Variants in ABCC2 observed in about 807,000 individuals in gnomAD.
ABCC2 encodes ATP-binding cassette sub-family C member 2.
In ABCC2, 157 loss-of-function variants were observed where a neutral mutation model predicts 173.4. The observed-to-expected ratio is 0.91, with a 90% CI of 0.80 to 1.03. ABCC2 has a LOEUF of 1.03. Ranked by LOEUF, ABCC2 falls within the 50% of genes least tolerant of loss-of-function variation. The probability of loss-of-function intolerance (pLI) is 0.00; values close to 1 mark genes in which losing one functional copy is unlikely to be tolerated. For synonymous variants in ABCC2, 657 were observed against 693.5 expected, an observed-to-expected ratio of 0.95 and a Z score of 0.83; for missense variants, 1,822 against 1,852.3, an observed-to-expected ratio of 0.98 and a Z score of 0.30.
At position 99,842,092 on chromosome 10, in the gene ABCC2, A is replaced by G. The variant is rs770037260; in HGVS notation, c.3740A>G (p.Asn1247Ser). The G allele has an allele frequency of 4.3e-6, 7 of 1,614,140 alleles. No homozygotes were observed. The Admixed American group carries it at 5.0e-5, about 12-fold the overall frequency. ...GGCTTTGTTCTGTCCAATGCACTCA[A>G]TGTGAGTTTGAAGGTTGGGAGTTTG... Reference protein sequence around the residue: ...TVGFVLSNALNITQTLNWLVR... With the variant: ...TVGFVLSNALSITQTLNWLVR... The change falls in exon 26 of 32, where the codon AAT becomes AGT. Residue 1247 changes from asparagine to serine, a missense_variant and splice_region_variant. Transcript: ENST00000647814.
intron 15 of ABCC2, 32 bp downstream of exon 15, chr10:99,811,634 T>C: frequency 6.2e-7 from 1 of 1,612,006 alleles, no homozygotes; most frequent in Admixed American, 1.7e-5. Flanking sequence ...CTAATGTTCT[T>C]TAGCATTCTC....
Position 99,800,583 on chromosome 10 carries a change from T to C in ABCC2, c.1209+20T>C. On this transcript the variant is annotated intron_variant, in intron 9 of 31. Coordinates refer to ENST00000647814, the MANE Select transcript of ABCC2 (RefSeq NM_000392.5). ...AAGAAGGTAAGCAGAATACGGCAGG[T>C]ATCACCAAAGAAAATCCCCTCAGTA... The C allele has an allele frequency of 6.2e-7, 1 of 1,612,792 alleles. No individual in the cohort carries two copies. Among genetic ancestry groups the C allele is most frequent in the Non-Finnish European group, 8.5e-7 (1 of 1,179,588 alleles).
Position 99,830,751 on chromosome 10 carries a change from G to A in ABCC2, c.2783G>A (p.Arg928Lys), listed in dbSNP as rs759376697. 6.2e-7 allele frequency: 1 copy of A among 1,614,102 alleles called. No individual in the cohort carries two copies. Among genetic ancestry groups the A allele is most frequent in the Non-Finnish European group, 8.5e-7 (1 of 1,180,024 alleles). The change falls in exon 21 of 32, where the codon AGA becomes AAA. Residue 928 changes from arginine to lysine, a missense_variant. Physicochemically the swap from Arg to Lys is conservative, Grantham distance 26. Transcript: ENST00000647814. ...AATGGCAGGCATCTGAAGTCCCTGAGAAACTCCTTGAAAACTCGGAATGTG... is the reference window on the plus strand; with the variant it reads ...AATGGCAGGCATCTGAAGTCCCTGAAAAACTCCTTGAAAACTCGGAATGTG... ...RSNGRHLKSL[R>K]NSLKTRNVNS...
chr10:99,807,605 T>G, intron 12 of ABCC2, 84 bp downstream of exon 12: 2 of 1,588,690 alleles, frequency 1.3e-6, no homozygotes, highest in Non-Finnish European at 1.7e-6. Flanking sequence ...TTTGATAGAC[T>G]AGCTGGCATC....
intron 19 of ABCC2, among the ~76,000 whole-genome samples, chr10:99,820,406 AC>A (rs561596007): frequency 0.046 from 7,038 of 152,044 alleles, 191 homozygotes; most frequent in Middle Eastern, 0.17. Flanking sequence ...ACACACACAC[AC>A]ACAAAACACA....
rs189165453 is a variant in ABCC2, at chr10:99,845,699, G to T, written c.4063G>T (p.Gly1355Cys). Reference protein sequence around the residue: ...NCLFRILEAAGGQIIIDGVDI... With the variant: ...NCLFRILEAACGQIIIDGVDI... Reference sequence around the variant, plus strand: ...CCTCTTCAGAATCTTAGAGGCTGCCGGTGGTCAGATTATCATTGATGGAGT... The same window carrying T: ...CCTCTTCAGAATCTTAGAGGCTGCCTGTGGTCAGATTATCATTGATGGAGT... The change falls in exon 29 of 32, where the codon GGT becomes TGT. Residue 1355 changes from glycine (G) to cysteine (C), a missense_variant. Gly to Cys is a radical substitution (Grantham distance 159). Coordinates refer to ENST00000647814, the MANE Select transcript of ABCC2 (RefSeq NM_000392.5). 32 of 1,613,998 alleles carry T rather than the reference G, an allele frequency of 2.0e-5. No individual in the cohort carries two copies. Among genetic ancestry groups the T allele is most frequent in the East Asian group, 4.5e-5 (2 of 44,872 alleles).
intron 13 of ABCC2, 24 bp downstream of exon 13, chr10:99,808,253 A>G: frequency 1.9e-6 from 3 of 1,613,224 alleles, no homozygotes; most frequent in Non-Finnish European, 2.5e-6. Flanking sequence ...CTCACTGCTA[A>G]CTCCCTGTCT....
chr10:99,837,256 C>G (rs2133127108), intron 25 of ABCC2, among the ~76,000 whole-genome samples: 1 of 134,190 alleles, frequency 7.5e-6, no homozygotes, highest in Middle Eastern at 3.5e-3. Flanking sequence ...CTGCCTCAGC[C>G]TCCCAAGTAG....
Position 99,808,300 on chromosome 10 carries a change from T to C in ABCC2, c.1815+71T>C, listed in dbSNP as rs2038148928. 5 of 1,574,124 alleles carry C rather than the reference T, an allele frequency of 3.2e-6. No homozygotes were observed. In the Admixed American group the frequency reaches 6.7e-5, roughly 21 times the overall value. On this transcript the variant is annotated intron_variant, in intron 13 of 31. Transcript: ENST00000647814. ...CCTTGGAGTCCAGAATGACTGGCTA[T>C]CACATCCCATGTCTAACTTTTGCTG...
chr10:99,847,283 AAATAG>A (rs1262168198), intron 30 of ABCC2, among the ~76,000 whole-genome samples, 156 bp downstream of exon 30: 3 of 152,348 alleles, frequency 2.0e-5, no homozygotes, highest in African/African-American at 7.2e-5. Flanking sequence ...TCACAAGATA[AAATAG>A]ATGTGAAAGT....
Position 99,830,769 on chromosome 10 carries a change from G to A in ABCC2, c.2801G>A (p.Arg934Gln), listed in dbSNP as rs200477714. ...LKSLRNSLKT[R>Q]NVNSLKEDEE... is the part of the protein sequence containing the mutation. ...TCCCTGAGAAACTCCTTGAAAACTC[G>A]GAATGTGAATAGCCTGAAGGAAGAC... Residue 934 changes from arginine (R) to glutamine (Q), a missense_variant, in exon 21 of 32, where the codon CGG (arginine) becomes CAG (glutamine). Transcript: ENST00000647814. The A allele has an allele frequency of 1.5e-4, 244 of 1,614,048 alleles. 2 individuals are homozygous for A. The highest frequency in any genetic ancestry group is 1.3e-3 in the Middle Eastern group (8 of 6,062).
At chr10:99,814,248 CGT>C (rs1564684041) in intron 16 of ABCC2, among the ~76,000 whole-genome samples, 1,172 of 29,968 alleles carry the variant, frequency 0.039, 168 homozygotes, top group African/African-American at 0.1. Flanking sequence ...TATGCACACA[CGT>C]ATGTATACAC....
At chr10:99,846,918 T>C (rs1047590482) in intron 29 of ABCC2, 43 bp from the exon 30 acceptor site, 2 of 1,613,194 alleles carry the variant, frequency 1.2e-6, no homozygotes, top group African/African-American at 2.7e-5. Flanking sequence ...GAGGTCCTTT[T>C]CTGGCATGAG....
rs1227472409 is a variant in ABCC2 at position 99,851,779 on chromosome 10, G to A, written c.*148G>A. 2.7e-5 allele frequency: 21 copies of A among 771,026 alleles called. No homozygotes were observed. The highest frequency in any genetic ancestry group is 3.9e-5 in the Non-Finnish European group (20 of 511,850). The allele number at this position is 771,026 out of a possible 1,614,324, so 47.8% of individuals were successfully genotyped here. A position where few individuals can be genotyped will look rare whatever the true frequency, so the allele number is the denominator to read the frequency against. ...GAACACCCATGAACCTACTACCCAG[G>A]TTAAGAAAATAAATGTCACCAGGTA... On this transcript the variant is annotated 3_prime_UTR_variant, in exon 32 of 32. Coordinates refer to ENST00000647814, the MANE Select transcript of ABCC2 (RefSeq NM_000392.5).
intron 19 of ABCC2, among the ~76,000 whole-genome samples, chr10:99,826,845 T>C (rs1317586337): frequency 1.6e-5 from 2 of 122,218 alleles, no homozygotes; most frequent in Admixed American, 8.2e-5. Context: ...GGGTCCATAC[T>C]GTTTTACTCC....
intron 2 of ABCC2, 103 bp downstream of exon 2, chr10:99,784,884 C>A (rs892355959): frequency 3.5e-6 from 5 of 1,438,816 alleles, no homozygotes; most frequent in Non-Finnish European, 4.8e-6. Context: ...GCAGCTGTCC[C>A]AGGTGCCATT....
chr10:99,806,077 C>CTCTCTCTGTGTGTGTGTGTGTG (rs10644836), intron 11 of ABCC2, among the ~76,000 whole-genome samples: 28 of 148,044 alleles, frequency 1.9e-4, no homozygotes, highest in African/African-American at 6.0e-4. Flanking sequence ...CTCTCTCTGT[C>CTCTCTCTGTGTGTGTGTGTGTG]TGTGTGTGTG....
At chr10:99,837,418 T>TTTCAACCTGACAGAAAA (rs2038844992) in intron 25 of ABCC2, among the ~76,000 whole-genome samples, 1 of 36,980 alleles carries the variant, frequency 2.7e-5, no homozygotes, top group Non-Finnish European at 5.4e-5. Flanking sequence ...ATTACAGTCG[T>TTTCAACCTGACAGAAAA]GAGCCACCAC....
intron 30 of ABCC2, among the ~76,000 whole-genome samples, chr10:99,847,447 C>CA (rs975918136): frequency 2.0e-5 from 3 of 150,716 alleles, no homozygotes; most frequent in Non-Finnish European, 4.4e-5. Context: ...ACTAAAAATA[C>CA]AAAAAGTAGC....
Sources: gnomAD v4.1 joint callset for allele counts (sites outside exome capture counted in the v4.1 genomes callset) on GRCh38, gnomAD v4.1.1 for gene constraint, MANE v1.5 for transcripts, NCBI Gene and HGNC (gene_info 2026-07-23, HGNC 2026-07-21) for gene names.